Variants in RAB38 observed in about 807,000 individuals in gnomAD.
RAB38 encodes the protein RAB38, member RAS oncogene family, also known as ras-related protein Rab-38.
RAB38 carries 15 observed loss-of-function variants against 18.4 expected under a neutral mutation model. That is an observed-to-expected ratio of 0.82 (90% CI 0.55 to 1.26). RAB38 has a LOEUF of 1.26. Ranked by LOEUF, RAB38 falls within the 50% of genes most tolerant of loss-of-function variation. The pLI is 0.00. For missense variants in RAB38, 294 were observed against 267.4 expected (o/e 1.10, Z -0.69); for synonymous variants, 101 against 104.4 (o/e 0.97, Z 0.20).
chr11:87,914,586 A>G, the RAB38 span, among the ~76,000 whole-genome samples: 6 of 152,168 alleles, frequency 3.9e-5, no homozygotes, highest in African/African-American at 4.8e-5. Context: ...TAGCCTACCT[A>G]TGGGGTAGAG....
chr11:87,890,439 G>T, the RAB38 span, among the ~76,000 whole-genome samples: 1 of 151,692 alleles, frequency 6.6e-6, no homozygotes, highest in Admixed American at 6.6e-5. Flanking sequence ...CCAAGCCCTT[G>T]GTTCATCCCT....
chr11:88,055,418 G>A, the RAB38 span, among the ~76,000 whole-genome samples: 1 of 152,182 alleles, frequency 6.6e-6, no homozygotes, highest in African/African-American at 2.4e-5. Flanking sequence ...AATAATATGA[G>A]TATGTAATGC....
At chr11:88,036,708 A>G in the RAB38 span, among the ~76,000 whole-genome samples, 1 of 152,072 alleles carries the variant, frequency 6.6e-6, no homozygotes, top group Non-Finnish European at 1.5e-5. Flanking sequence ...ACTTTGTGGA[A>G]CATATCAATG....
the RAB38 span, among the ~76,000 whole-genome samples, chr11:87,877,400 A>G: frequency 1.3e-5 from 2 of 151,502 alleles, no homozygotes; most frequent in Non-Finnish European, 3.0e-5. Context: ...GGAATAAAGG[A>G]AAATTATTTC....
chr11:87,896,293 A>C, the RAB38 span, among the ~76,000 whole-genome samples: 4 of 151,692 alleles, frequency 2.6e-5, no homozygotes, highest in Non-Finnish European at 1.5e-5. Context: ...TTCCCCAGCC[A>C]TCTGTGGTAA....
At chr11:88,128,407 T>A (rs1489071362) in intron 2 of RAB38, among the ~76,000 whole-genome samples, 2 of 152,192 alleles carry the variant, frequency 1.3e-5, no homozygotes, top group African/African-American at 4.8e-5. Context: ...TGTTAAGCAA[T>A]CATCATCTAC....
chr11:88,109,887 TG>T (rs1942450945), downstream of RAB38, among the ~76,000 whole-genome samples: 1 of 152,146 alleles, frequency 6.6e-6, no homozygotes, highest in Non-Finnish European at 1.5e-5. Context: ...GGAGAGGATG[TG>T]GAGAAATAGG....
At chr11:88,016,795 T>G in the RAB38 span, among the ~76,000 whole-genome samples, 2 of 152,154 alleles carry the variant, frequency 1.3e-5, no homozygotes, top group South Asian at 4.1e-4. Flanking sequence ...GACACTGACT[T>G]GCTTAAGTCC....
the RAB38 span, among the ~76,000 whole-genome samples, chr11:87,850,292 TTC>T: frequency 1.3e-5 from 2 of 152,140 alleles, no homozygotes; most frequent in Non-Finnish European, 2.9e-5. Flanking sequence ...AAGGTCGTTC[TTC>T]TCTCTTCTTC....
At chr11:88,084,117 G>A in the RAB38 span, among the ~76,000 whole-genome samples, 10 of 151,852 alleles carry the variant, frequency 6.6e-5, no homozygotes, top group Admixed American at 3.3e-4. Context: ...GAAGTATACG[G>A]CAATGAATTG....
chr11:87,868,578 GGAGAGAGAGAGAGAGAGAGA>G, the RAB38 span, among the ~76,000 whole-genome samples: 2,224 of 59,244 alleles, frequency 0.038, 39 homozygotes, highest in Non-Finnish European at 0.059. Context: ...AAGGAGTGAG[GGAGAGAGAGAGAGAGAGAGA>G]GAGAGAGAGA....
chr11:88,060,605 C>T, the RAB38 span, among the ~76,000 whole-genome samples: 7 of 152,094 alleles, frequency 4.6e-5, no homozygotes, highest in Admixed American at 3.9e-4. Context: ...AGGTCTAACT[C>T]CAAAGCTACA....
At chr11:88,125,210 G>A (rs188518500) in intron 2 of RAB38, among the ~76,000 whole-genome samples, 14 of 152,098 alleles carry the variant, frequency 9.2e-5, no homozygotes, top group South Asian at 6.2e-4. Flanking sequence ...CTCACATTGC[G>A]TACTCAGAAT....
chr11:88,161,663 T>C (rs302652), intron 1 of RAB38, among the ~76,000 whole-genome samples: 7 of 151,944 alleles, frequency 4.6e-5, no homozygotes, highest in African/African-American at 1.7e-4. Flanking sequence ...ATCATGTATT[T>C]GTGAATTAGT....
At chr11:87,818,688 A>C in the RAB38 span, among the ~76,000 whole-genome samples, 1 of 152,206 alleles carries the variant, frequency 6.6e-6, no homozygotes, top group Non-Finnish European at 1.5e-5. Flanking sequence ...CAGACTTACT[A>C]GTTTTTTTAA....
At chr11:87,826,925 A>G in the RAB38 span, among the ~76,000 whole-genome samples, 5 of 152,134 alleles carry the variant, frequency 3.3e-5, no homozygotes, top group African/African-American at 1.2e-4. Context: ...TTGACAGAAT[A>G]AATTATATAT....
chr11:87,837,883 TGAA>T, the RAB38 span, among the ~76,000 whole-genome samples: 1 of 152,166 alleles, frequency 6.6e-6, no homozygotes, highest in Admixed American at 6.5e-5. Context: ...TAATAATATT[TGAA>T]GATTTTGTTG....
chr11:87,946,880 A>G, the RAB38 span, among the ~76,000 whole-genome samples: 1 of 152,082 alleles, frequency 6.6e-6, no homozygotes, highest in Admixed American at 6.6e-5. Flanking sequence ...TAGCAGCATG[A>G]TTTACAATCC....
intron 2 of RAB38, among the ~76,000 whole-genome samples, chr11:88,126,977 T>C (rs960573279): frequency 2.0e-5 from 3 of 152,188 alleles, no homozygotes; most frequent in African/African-American, 7.2e-5. Flanking sequence ...TTAAGTCATA[T>C]ATGAGACTGG....
Sources: allele counts gnomAD v4.1 joint callset (sites outside exome capture counted in the v4.1 genomes callset), GRCh38; gene constraint gnomAD v4.1.1; transcripts MANE v1.5; gene names NCBI Gene and HGNC (gene_info 2026-07-23, HGNC 2026-07-21).